LMBRD2: variants seen among roughly 807,000 people sequenced by gnomAD.
LMBRD2 encodes G protein-coupled receptor-associated protein LMBRD2.
A neutral mutation model predicts 94.4 loss-of-function variants in LMBRD2; 55 were observed. The observed-to-expected ratio is 0.58, with a 90% CI of 0.47 to 0.73. LMBRD2 has a LOEUF of 0.73. Ranked by LOEUF, LMBRD2 falls within the 30% of genes least tolerant of loss-of-function variation. The pLI, the probability that LMBRD2 is intolerant of heterozygous loss-of-function variation, is 0.00. For synonymous variants in LMBRD2, 246 were observed against 272.4 expected (o/e 0.90, Z 0.95); for missense variants, 640 against 831.9 (o/e 0.77, Z 2.84).
At chr5:36,146,293 G>A (rs991469487) in intron 1 of LMBRD2, among the ~76,000 whole-genome samples, 3 of 152,172 alleles carry the variant, frequency 2.0e-5, no homozygotes, top group African/African-American at 2.4e-5. Flanking sequence ...GTTCAACTTA[G>A]TTCTCTGCTT....
intron 6 of LMBRD2, among the ~76,000 whole-genome samples, chr5:36,126,825 A>C (rs1005177373): frequency 2.6e-5 from 4 of 152,228 alleles, no homozygotes; most frequent in African/African-American, 9.6e-5. Flanking sequence ...AAGTGATTGA[A>C]GTTTGTTATC....
At position 36,120,667 on chromosome 5, in the gene LMBRD2, A is replaced by G. The variant is rs191048384; in HGVS notation, c.1120+1613T>C. Among the ~76,000 whole-genome samples, 341 of 152,216 alleles carry G rather than the reference A, an allele frequency of 2.2e-3. 2 individuals are homozygous for G. The highest frequency in any genetic ancestry group is 6.8e-3 in the Middle Eastern group (2 of 294). ...TTTCTCTGTTCCCTTTTATAAGGAA[A>G]ACATTTTTAGAGTTTTCTAGTCTGT... On this transcript the variant is annotated intron_variant, in intron 9 of 17. Transcript: ENST00000296603.
intron 3 of LMBRD2, among the ~76,000 whole-genome samples, chr5:36,141,548 G>T (rs759911424): frequency 2.0e-5 from 3 of 149,800 alleles, no homozygotes; most frequent in Non-Finnish European, 4.4e-5. Context: ...AATTTCTAAT[G>T]ATTACCTTTA....
rs751772082 is a variant in LMBRD2, at chr5:36,114,535, A to G, written c.1543-14T>C. 1.3e-6 allele frequency: 2 copies of G among 1,516,936 alleles called. No individual in the cohort carries two copies. The highest frequency in any genetic ancestry group is 1.8e-6 in the Non-Finnish European group (2 of 1,141,376). 94.0% of individuals were successfully genotyped at this position (1,516,936 alleles called of 1,614,324 possible). A position where few individuals can be genotyped will look rare whatever the true frequency, so the allele number is the denominator to read the frequency against. On this transcript the variant is annotated splice_polypyrimidine_tract_variant and intron_variant, in intron 12 of 17. Coordinates refer to ENST00000296603, the MANE Select transcript of LMBRD2 (RefSeq NM_001007527.2). ...GGAACCCATAATCTGAAGAGCAAGAAAAAAGTAAGTTAAATTGGAATAGCT... is the reference window on the plus strand; with the variant it reads ...GGAACCCATAATCTGAAGAGCAAGAGAAAAGTAAGTTAAATTGGAATAGCT...
chr5:36,149,843 G>A (rs1384386732), intron 1 of LMBRD2, among the ~76,000 whole-genome samples: 2 of 152,208 alleles, frequency 1.3e-5, no homozygotes, highest in African/African-American at 4.8e-5. Context: ...GGAGGTGGAG[G>A]TTATGGTGAG....
At chr5:36,145,583 T>C (rs1357483983) in intron 1 of LMBRD2, among the ~76,000 whole-genome samples, 4 of 152,220 alleles carry the variant, frequency 2.6e-5, no homozygotes. Context: ...CAATGCAGAA[T>C]GTGCTGATAA....
At chr5:36,119,208 C>T (rs1282177750) in intron 9 of LMBRD2, among the ~76,000 whole-genome samples, 1 of 151,838 alleles carries the variant, frequency 6.6e-6, no homozygotes, top group African/African-American at 2.4e-5. Context: ...CTTTGACCTC[C>T]TCTCCTCTAA....
intron 7 of LMBRD2, 68 bp from the exon 8 acceptor site, chr5:36,123,029 A>G: frequency 1.5e-6 from 2 of 1,348,470 alleles, no homozygotes; most frequent in Non-Finnish European, 1.9e-6. Flanking sequence ...ATTTTTATTA[A>G]AAATCTTTCA....
chr5:36,102,786 T>G lies in LMBRD2; in HGVS notation c.*1260A>C, dbSNP rs952001482. On this transcript the variant is annotated 3_prime_UTR_variant, in exon 18 of 18. Coordinates refer to ENST00000296603, the MANE Select transcript of LMBRD2 (RefSeq NM_001007527.2). ...GATACTTGAGGGTGAAAGTAATCAC[T>G]AGTAATAAACAGGATACTAGGTGTT... is the stretch of plus-strand genomic sequence containing the variant. 1 of 151,876 alleles carries G rather than the reference T, an allele frequency of 6.6e-6. No homozygotes were observed. Among genetic ancestry groups the G allele is most frequent in the South Asian group, 2.1e-4 (1 of 4,828 alleles). 9.4% of individuals were successfully genotyped at this position (151,876 alleles called of 1,614,324 possible).
chr5:36,123,455 A>G (rs1743933713), intron 7 of LMBRD2, among the ~76,000 whole-genome samples: 1 of 152,072 alleles, frequency 6.6e-6, no homozygotes, highest in African/African-American at 2.4e-5. Context: ...TAGTTCTCAA[A>G]AAGTAGCAAA....
chr5:36,122,773 CT>C (rs1743917163), intron 8 of LMBRD2, 74 bp downstream of exon 8: 14 of 1,484,746 alleles, frequency 9.4e-6, no homozygotes, highest in Admixed American at 8.1e-5. Flanking sequence ...CTAAAAATTC[CT>C]TTTTTTATGA....
chr5:36,146,941 AGTGTGTGTGT>A (rs371000455), intron 1 of LMBRD2, among the ~76,000 whole-genome samples: 62 of 139,466 alleles, frequency 4.4e-4, no homozygotes, highest in African/African-American at 1.2e-3. Flanking sequence ...TGTGTGTGTG[AGTGTGTGTGT>A]GTGTGTGTGT....
In LMBRD2 at chr5:36,124,202, T is replaced by C. The variant is rs148924369; in HGVS notation, c.811A>G (p.Ile271Val). 3.8e-6 allele frequency: 6 copies of C among 1,566,682 alleles called. No individual in the cohort carries two copies. Among genetic ancestry groups the C allele is most frequent in the East Asian group, 2.3e-5 (1 of 44,358 alleles). Residue 271 changes from isoleucine to valine, a missense_variant, in exon 7 of 18, where the codon ATA becomes GTA. Transcript: ENST00000296603. ...GATGATTTCATTACCTTTTTAAGTA[T>C]TGTATCAACACATTTTCTCAATGGG... ...NHPLRKCVDTILKKCPTEYQE... is the reference protein window; with the variant it reads ...NHPLRKCVDTVLKKCPTEYQE...
At chr5:36,129,608 T>TA (rs1744086064) in intron 6 of LMBRD2, among the ~76,000 whole-genome samples, 1 of 152,134 alleles carries the variant, frequency 6.6e-6, no homozygotes, top group Non-Finnish European at 1.5e-5. Context: ...TAAGAAATGC[T>TA]AAAGGGAGTT....
intron 9 of LMBRD2, among the ~76,000 whole-genome samples, chr5:36,120,075 T>A (rs1414937822): frequency 6.6e-6 from 1 of 151,986 alleles, no homozygotes; most frequent in Admixed American, 6.6e-5. Flanking sequence ...TTCTTTTTTT[T>A]TTTTGACGGA....
chr5:36,140,913 T>C (rs577343812), intron 4 of LMBRD2, 194 bp downstream of exon 4: 2 of 416,224 alleles, frequency 4.8e-6, no homozygotes, highest in East Asian at 7.9e-5. Flanking sequence ...AGAGTGCAGT[T>C]GTTTGCAGAT....
intron 1 of LMBRD2, among the ~76,000 whole-genome samples, chr5:36,146,660 A>G (rs949532955): frequency 3.3e-5 from 5 of 152,162 alleles, no homozygotes; most frequent in Non-Finnish European, 7.4e-5. Flanking sequence ...TTCAGGCATG[A>G]TCCACCTAGC....
chr5:36,149,925 T>C (rs1271095270), intron 1 of LMBRD2, among the ~76,000 whole-genome samples: 2 of 151,984 alleles, frequency 1.3e-5, no homozygotes, highest in Non-Finnish European at 2.9e-5. Flanking sequence ...AAAAATAAAA[T>C]TAATCAGAAA....
At chr5:36,142,833 T>C in intron 2 of LMBRD2, 1 of 387,942 alleles carries the variant, frequency 2.6e-6, no homozygotes. Context: ...CACGCCATTC[T>C]CCTGCCTCAG....
Sources: gnomAD v4.1 joint callset for allele counts (sites outside exome capture counted in the v4.1 genomes callset) on GRCh38, gnomAD v4.1.1 for gene constraint, MANE v1.5 for transcripts, NCBI Gene and HGNC (gene_info 2026-07-23, HGNC 2026-07-21) for gene names.